SLC35E4: variants seen among roughly 807,000 people sequenced by gnomAD.
The protein encoded by SLC35E4 is solute carrier family 35, member E4.
In SLC35E4, 15 loss-of-function variants were observed where a neutral mutation model predicts 19.3. That is an observed-to-expected ratio of 0.78 (90% CI 0.52 to 1.20). The LOEUF (loss-of-function observed/expected upper bound fraction) is 1.20. Ranked by LOEUF, SLC35E4 falls within the 50% of genes most tolerant of loss-of-function variation. The probability of loss-of-function intolerance (pLI) is 0.00; values close to 1 mark genes in which losing one functional copy is unlikely to be tolerated. For missense variants in SLC35E4, 406 were observed against 472.3 expected, an observed-to-expected ratio of 0.86 and a Z score of 1.30; for synonymous variants, 219 against 219.9, an observed-to-expected ratio of 1.00 and a Z score of 0.04.
rs201897938 is a variant in SLC35E4 at position 30,646,894 on chromosome 22, C to A, written c.916C>A (p.Arg306Ser). The A allele has an allele frequency of 6.2e-6, 10 of 1,614,240 alleles. No homozygotes were observed. The South Asian group carries it at 6.6e-5, about 11-fold the overall frequency. ...CCTGTCCCGGCTGTTGTTTGGCAGCCGCCTCAGTGCCCTCAGCTACGTGGG... is the reference window on the plus strand; with the variant it reads ...CCTGTCCCGGCTGTTGTTTGGCAGCAGCCTCAGTGCCCTCAGCTACGTGGG... ...LILSRLLFGSRLSALSYVGIA... is the reference protein window; with the variant it reads ...LILSRLLFGSSLSALSYVGIA... Residue 306 changes from arginine to serine, a missense_variant, in exon 2 of 2, where the codon CGC becomes AGC. Transcript: ENST00000343605.
chr22:30,663,798 A>G (rs1237548432), downstream of SLC35E4: 1 of 1,614,096 alleles, frequency 6.2e-7, no homozygotes, highest in Non-Finnish European at 8.5e-7. Context: ...AGCCACAGGT[A>G]CCTGCATGTA....
chr22:30,638,689 G>A lies in SLC35E4; in HGVS notation c.619+1620G>A, dbSNP rs573316030. ...TAGCTGAGCGTGATGGTGGGCGCCT[G>A]TAATCCCAGCTACTCAGGAGGCTGA... On this transcript the variant is annotated intron_variant, in intron 1 of 1. Transcript: ENST00000343605. 9.7e-4 allele frequency among the ~76,000 whole-genome samples: 147 copies of A among 152,096 alleles called. 1 individual carries two copies. Among genetic ancestry groups the A allele is most frequent in the African/African-American group, 3.4e-3 (143 of 41,496 alleles).
chr22:30,647,135 C>A lies in SLC35E4; in HGVS notation c.*104C>A. 7.5e-7 allele frequency: 1 copy of A among 1,335,198 alleles called. No individual in the cohort carries two copies. The highest frequency in any genetic ancestry group is 1.0e-6 in the Non-Finnish European group (1 of 1,003,274). 82.7% of individuals were successfully genotyped at this position (1,335,198 alleles called of 1,614,324 possible). A position where few individuals can be genotyped will look rare whatever the true frequency, so the allele number is the denominator to read the frequency against. On this transcript the variant is annotated 3_prime_UTR_variant, in exon 2 of 2. Coordinates refer to ENST00000343605, the MANE Select transcript of SLC35E4 (RefSeq NM_001001479.4). The stretch of plus-strand genomic sequence containing the variant: ...GAACAGGGCTGGGCATGGTGGCTCA[C>A]GCCTATAATCCCAGCACTTCCAGAG...
At chr22:30,654,415 C>A (rs1485137499) in intron 2 of SLC35E4, 2 of 453,154 alleles carry the variant, frequency 4.4e-6, no homozygotes, top group African/African-American at 2.0e-5. Flanking sequence ...GGCAAACTTT[C>A]TTGTAGGCTT....
downstream of SLC35E4, chr22:30,664,220 C>T (rs2088573956): frequency 3.5e-6 from 2 of 568,634 alleles, no homozygotes; most frequent in African/African-American, 3.7e-5. Context: ...CCAGCAAACT[C>T]ATTTAAAGTA....
chr22:30,668,440 C>A (rs1411444879), exon 3 of SLC35E4: 1 of 152,344 alleles, frequency 6.6e-6, no homozygotes, highest in Non-Finnish European at 1.5e-5. Flanking sequence ...TCTCATAGTC[C>A]TGGGCACCAG....
chr22:30,659,618 A>G (rs1456959947), intron 2 of SLC35E4, among the ~76,000 whole-genome samples: 1 of 152,178 alleles, frequency 6.6e-6, no homozygotes. Context: ...GTGATCCACC[A>G]GCCTCAACCT....
intron 2 of SLC35E4, chr22:30,654,355 G>A (rs1569063798): frequency 1.3e-5 from 6 of 463,818 alleles, no homozygotes; most frequent in Admixed American, 2.3e-5. Flanking sequence ...CAGGGTGGCT[G>A]TCACTGTCTG....
downstream of SLC35E4, chr22:30,649,208 G>A (rs140380488): frequency 2.8e-6 from 2 of 717,096 alleles, no homozygotes; most frequent in South Asian, 1.5e-5. Flanking sequence ...CCTATGGAGA[G>A]GGTTCGAATG....
At chr22:30,661,864 A>G (rs955398354) in intron 2 of SLC35E4, 1 of 152,032 alleles carries the variant, frequency 6.6e-6, no homozygotes, top group Non-Finnish European at 1.5e-5. Context: ...TTTCATAGTG[A>G]TTCTAAACAA....
chr22:30,639,931 G>A (rs990943020), intron 1 of SLC35E4, among the ~76,000 whole-genome samples: 3 of 152,180 alleles, frequency 2.0e-5, no homozygotes, highest in South Asian at 2.1e-4. Context: ...ATAGGCATAG[G>A]AAATCACAAG....
chr22:30,635,818 G>T lies in SLC35E4; in HGVS notation c.-633G>T. Reference sequence around the variant, plus strand: ...AGGAGCCGCAGCCGGAGTCACAGCCGCAGCCAGAGCCGCAGCCAAAGCCTC... The same window carrying T: ...AGGAGCCGCAGCCGGAGTCACAGCCTCAGCCAGAGCCGCAGCCAAAGCCTC... On this transcript the variant is annotated 5_prime_UTR_variant, in exon 1 of 2. Transcript: ENST00000343605. 6.4e-6 allele frequency: 1 copy of T among 155,730 alleles called. No individual in the cohort carries two copies. Among genetic ancestry groups the T allele is most frequent in the Non-Finnish European group, 1.4e-5 (1 of 70,306 alleles). The allele number at this position is 155,730 out of a possible 1,614,324, so 9.6% of individuals were successfully genotyped here. A position where few individuals can be genotyped will look rare whatever the true frequency, so the allele number is the denominator to read the frequency against.
chr22:30,658,562 C>T (rs909184993), intron 2 of SLC35E4, among the ~76,000 whole-genome samples: 3 of 151,774 alleles, frequency 2.0e-5, no homozygotes, highest in South Asian at 2.1e-4. Context: ...AGAGTACACC[C>T]GCCATGGAGG....
chr22:30,636,196 C>T lies in SLC35E4; in HGVS notation c.-255C>T, dbSNP rs1322607827. ...GGCACGGGGCAGAGGTGCCTGGAGC[C>T]CACGCTTGAGCATCGGAGACCCTGG... On this transcript the variant is annotated 5_prime_UTR_variant, in exon 1 of 2. Transcript: ENST00000343605. 4.0e-6 allele frequency: 2 copies of T among 494,464 alleles called. No homozygotes were observed. Among genetic ancestry groups the T allele is most frequent in the African/African-American group, 1.9e-5 (1 of 51,386 alleles). The allele number at this position is 494,464 out of a possible 1,614,324, so 30.6% of individuals were successfully genotyped here.
At chr22:30,665,001 AGCCGCAGATCTGCTTCCCGC>A (rs2088596280), downstream of SLC35E4, 1 of 152,854 alleles carries the variant, frequency 6.5e-6, no homozygotes, top group African/African-American at 2.4e-5. Context: ...GTAGAGGTTC[AGCCGCAGATCTGCTTCCCGC>A]GCCGCAGACC....
At chr22:30,659,080 C>T (rs866385373) in intron 2 of SLC35E4, among the ~76,000 whole-genome samples, 3 of 139,810 alleles carry the variant, frequency 2.1e-5, no homozygotes, top group East Asian at 2.2e-4. Context: ...GCTGGGATTG[C>T]GCCATTGCAC....
At chr22:30,666,644 A>AAAAAAAAAAAAAC, downstream of SLC35E4, among the ~76,000 whole-genome samples, 1 of 151,204 alleles carries the variant, frequency 6.6e-6, no homozygotes, top group Non-Finnish European at 1.5e-5. Context: ...AAAAAAAAAA[A>AAAAAAAAAAAAAC]AAGCAATCTC....
At chr22:30,646,029 C>A (rs2088123157) in intron 1 of SLC35E4, among the ~76,000 whole-genome samples, 1 of 151,222 alleles carries the variant, frequency 6.6e-6, no homozygotes, top group South Asian at 2.1e-4. Flanking sequence ...GTTGCCCGGG[C>A]AGGTCTCAAA....
At position 30,636,332 on chromosome 22, in the gene SLC35E4, C is replaced by T; in HGVS notation, c.-119C>T. ...ACAAGTAAGCAGTGTCCTCACCTGTCTGAAACGGGACACGGGGTCGGAGGA... is the reference window on the plus strand; with the variant it reads ...ACAAGTAAGCAGTGTCCTCACCTGTTTGAAACGGGACACGGGGTCGGAGGA... On this transcript the variant is annotated 5_prime_UTR_variant, in exon 1 of 2. Transcript: ENST00000343605. 7.4e-7 allele frequency: 1 copy of T among 1,359,006 alleles called. No individual in the cohort carries two copies. Among genetic ancestry groups the T allele is most frequent in the Non-Finnish European group, 9.7e-7 (1 of 1,031,552 alleles). The allele number at this position is 1,359,006 out of a possible 1,614,324, so 84.2% of individuals were successfully genotyped here.
Sources: gnomAD v4.1 joint callset for allele counts (sites outside exome capture counted in the v4.1 genomes callset) on GRCh38, gnomAD v4.1.1 for gene constraint, MANE v1.5 for transcripts, NCBI Gene and HGNC (gene_info 2026-07-23, HGNC 2026-07-21) for gene names.